The following ATOX1 variants were observed in gnomAD, a reference collection of about 807,000 sequenced individuals.
The protein encoded by ATOX1 is antioxidant 1 copper chaperone.
ATOX1 carries 4 observed loss-of-function variants against 7.3 expected under a neutral mutation model. That is an observed-to-expected ratio of 0.55 (90% CI 0.27 to 1.25). ATOX1 has a LOEUF of 1.25. ATOX1 is among the 50% of genes most tolerant of loss of function. ATOX1 has a pLI of 0.12. For missense variants in ATOX1, 68 were observed against 81.6 expected, an observed-to-expected ratio of 0.83 and a Z score of 0.64; for synonymous variants, 25 against 28.7, an observed-to-expected ratio of 0.87 and a Z score of 0.41.
intron 1 of ATOX1, among the ~76,000 whole-genome samples, chr5:151,756,686 T>C (rs1490717738): frequency 6.6e-6 from 1 of 151,940 alleles, no homozygotes; most frequent in Non-Finnish European, 1.5e-5. Context: ...GTTGCCAAAG[T>C]TGGTCTCAAG....
intron 1 of ATOX1, chr5:151,751,987 T>G: frequency 1.7e-6 from 1 of 602,280 alleles, no homozygotes; most frequent in African/African-American, 1.9e-5. Context: ...TTGTATTCAA[T>G]GGAATCATCC....
intron 1 of ATOX1, 45 bp downstream of exon 1, chr5:151,758,501 C>G (rs1298569697): frequency 1.3e-6 from 2 of 1,481,732 alleles, no homozygotes; most frequent in East Asian, 2.7e-5. Context: ...CGAGAAGCAA[C>G]CCGGGACTGC....
chr5:151,758,473 G>C, intron 1 of ATOX1, 73 bp downstream of exon 1: 2 of 1,451,030 alleles, frequency 1.4e-6, no homozygotes, highest in Non-Finnish European at 1.8e-6. Flanking sequence ...TCAGCATCCG[G>C]TCAAGCGGCT....
chr5:151,743,728 A>ACTT (rs2113173540), intron 3 of ATOX1: 1 of 152,338 alleles, frequency 6.6e-6, no homozygotes. Context: ...TGTGTGCATT[A>ACTT]GGGCTCCCCC....
chr5:151,758,497 G>A, intron 1 of ATOX1, 49 bp downstream of exon 1: 1 of 1,481,756 alleles, frequency 6.7e-7, no homozygotes, highest in Non-Finnish European at 9.0e-7. Flanking sequence ...CAGCCGAGAA[G>A]CAACCCGGGA....
At chr5:151,758,257 C>G (rs1358487178) in intron 1 of ATOX1, among the ~76,000 whole-genome samples, 1 of 152,242 alleles carries the variant, frequency 6.6e-6, no homozygotes, top group East Asian at 1.9e-4. Context: ...ATCCCCTGCC[C>G]CCTCTCTGGT....
chr5:151,758,412 G>A lies in ATOX1; in HGVS notation c.6+134C>T, dbSNP rs910228660. ...GTCGCAAAAGCTGGGGGCTGGGTGG[G>A]GTAAGCTAGGGGACAACAGCGGCTC... On this transcript the variant is annotated intron_variant, in intron 1 of 3. Coordinates refer to ENST00000313115, the MANE Select transcript of ATOX1 (RefSeq NM_004045.4). The A allele has an allele frequency of 3.8e-6, 5 of 1,316,654 alleles. No individual in the cohort carries two copies. In the African/African-American group the frequency reaches 4.6e-5, roughly 12 times the overall value. 81.6% of individuals were successfully genotyped at this position (1,316,654 alleles called of 1,614,324 possible). A position where few individuals can be genotyped will look rare whatever the true frequency, so the allele number is the denominator to read the frequency against.
intron 2 of ATOX1, 73 bp from the exon 3 acceptor site, chr5:151,746,522 G>T (rs1462917109): frequency 5.0e-6 from 8 of 1,588,808 alleles, no homozygotes; most frequent in Non-Finnish European, 6.0e-6. Flanking sequence ...AAGAGTTCAG[G>T]CTCTAAATTA....
At chr5:151,746,476 G>T (rs770201094) in intron 2 of ATOX1, 27 bp from the exon 3 acceptor site, 2 of 1,612,924 alleles carry the variant, frequency 1.2e-6, no homozygotes, top group African/African-American at 1.3e-5. Context: ...TGGGGTATGG[G>T]GAGAGGAAGC....
chr5:151,744,155 G>A (rs1014181551), intron 3 of ATOX1: 8 of 152,166 alleles, frequency 5.3e-5, no homozygotes. Flanking sequence ...TGGAGAGATG[G>A]GTAGTGGGGA....
At chr5:151,743,001 G>A (rs940341579) in intron 3 of ATOX1, 42 bp from the exon 4 acceptor site, 1 of 152,348 alleles carries the variant, frequency 6.6e-6, no homozygotes, top group African/African-American at 2.4e-5. Flanking sequence ...GGTGCCATCT[G>A]GTGTGGACAT....
chr5:151,747,458 G>A (rs1303836916), intron 2 of ATOX1, among the ~76,000 whole-genome samples: 1 of 151,770 alleles, frequency 6.6e-6, no homozygotes, highest in Non-Finnish European at 1.5e-5. Flanking sequence ...GTTAAGTTTT[G>A]TATTTTATGT....
intron 1 of ATOX1, among the ~76,000 whole-genome samples, chr5:151,755,052 C>T (rs1026572220): frequency 6.7e-6 from 1 of 149,530 alleles, no homozygotes; most frequent in Non-Finnish European, 1.5e-5. Context: ...TACTTTTGCA[C>T]TAGAATGGCA....
chr5:151,753,278 C>G (rs1761973660), intron 1 of ATOX1, among the ~76,000 whole-genome samples: 1 of 152,214 alleles, frequency 6.6e-6, no homozygotes, highest in Non-Finnish European at 1.5e-5. Context: ...CTAGGCCAAG[C>G]TGTTCCCAAA....
rs543519821 is a variant in ATOX1 at position 151,753,366 on chromosome 5, T to C, written c.7-1587A>G. Reference sequence around the variant, plus strand: ...TACTACAAAGTTTTGGGATAATTACTAAGGAGCAATAGATAACTAACACAT... The same window carrying C: ...TACTACAAAGTTTTGGGATAATTACCAAGGAGCAATAGATAACTAACACAT... On this transcript the variant is annotated intron_variant, in intron 1 of 3. Coordinates refer to ENST00000313115, the MANE Select transcript of ATOX1 (RefSeq NM_004045.4). 7.2e-5 allele frequency among the ~76,000 whole-genome samples: 11 copies of C among 152,326 alleles called. No homozygotes were observed. The South Asian group carries it at 2.3e-3, about 32-fold the overall frequency.
intron 2 of ATOX1, among the ~76,000 whole-genome samples, chr5:151,748,618 T>A (rs1761906910): frequency 6.6e-6 from 1 of 152,116 alleles, no homozygotes; most frequent in African/African-American, 2.4e-5. Flanking sequence ...TCCCAGCACT[T>A]TGGGAGGCTG....
chr5:151,756,541 C>T (rs1370578886), intron 1 of ATOX1, among the ~76,000 whole-genome samples: 14 of 151,670 alleles, frequency 9.2e-5, no homozygotes, highest in South Asian at 2.1e-4. Flanking sequence ...GGCACGATCA[C>T]GGCTCACTGC....
chr5:151,752,394 G>A, intron 1 of ATOX1: 1 of 697,748 alleles, frequency 1.4e-6, no homozygotes, highest in Non-Finnish European at 2.6e-6. Context: ...TGGGTTGGAG[G>A]CCAGGCAGGA....
Position 151,758,563 on chromosome 5 carries a change from C to A in ATOX1, c.-12G>T. ...CCACTCACCGGCATGACTGAGGCAGCGGCGGTGTGGCGGCGGTGTGGCGGC... is the reference window on the plus strand; with the variant it reads ...CCACTCACCGGCATGACTGAGGCAGAGGCGGTGTGGCGGCGGTGTGGCGGC... On this transcript the variant is annotated 5_prime_UTR_variant, in exon 1 of 4. Coordinates refer to ENST00000313115, the MANE Select transcript of ATOX1 (RefSeq NM_004045.4). 1 of 1,421,356 alleles carries A rather than the reference C, an allele frequency of 7.0e-7. No homozygotes were observed. Among genetic ancestry groups the A allele is most frequent in the Admixed American group, 2.8e-5 (1 of 35,712 alleles). The allele number at this position is 1,421,356 out of a possible 1,614,324, so 88.0% of individuals were successfully genotyped here.
Sources: allele counts gnomAD v4.1 joint callset (sites outside exome capture counted in the v4.1 genomes callset), GRCh38; gene constraint gnomAD v4.1.1; transcripts MANE v1.5; gene names NCBI Gene and HGNC (gene_info 2026-07-23, HGNC 2026-07-21).